Variants in DLG2 observed in about 807,000 individuals in gnomAD.
The protein encoded by DLG2 is disks large homolog 2.
A neutral mutation model predicts 132.5 loss-of-function variants in DLG2; 45 were observed. The ratio of observed to expected loss-of-function variants is 0.34; its 90% confidence interval spans 0.27 to 0.44. DLG2 has a LOEUF of 0.44. DLG2 is among the 20% of genes least tolerant of loss of function. The probability of loss-of-function intolerance (pLI) is 1.00; values close to 1 mark genes in which losing one functional copy is unlikely to be tolerated. For synonymous variants in DLG2, 424 were observed against 419.6 expected (o/e 1.01, Z -0.13); for missense variants, 1,045 against 1,196.9 (o/e 0.87, Z 1.87).
chr11:85,033,426 T>C (rs1349514872), intron 6 of DLG2, among the ~76,000 whole-genome samples: 4 of 147,252 alleles, frequency 2.7e-5, no homozygotes, highest in Admixed American at 1.4e-4. Flanking sequence ...AAGCATCTGG[T>C]AAGGATAAAA....
At chr11:84,486,438 G>T (rs369156446) in intron 7 of DLG2, among the ~76,000 whole-genome samples, 61 of 152,204 alleles carry the variant, frequency 4.0e-4, no homozygotes, top group African/African-American at 1.4e-3. Flanking sequence ...TAGGCCAAAT[G>T]AAGTTACTGA....
At chr11:83,775,721 C>CTTT (rs11388016) in intron 18 of DLG2, among the ~76,000 whole-genome samples, 2 of 143,674 alleles carry the variant, frequency 1.4e-5, no homozygotes, top group Non-Finnish European at 3.1e-5. Flanking sequence ...TGTCATTATT[C>CTTT]TTTTTTTTTT....
chr11:84,608,887 T>G (rs2154536658), intron 6 of DLG2, among the ~76,000 whole-genome samples: 1 of 152,334 alleles, frequency 6.6e-6, no homozygotes, highest in South Asian at 2.1e-4. Context: ...ATGAGGCACT[T>G]ACTATTATCT....
intron 7 of DLG2, among the ~76,000 whole-genome samples, chr11:84,355,984 T>C (rs2098609072): frequency 6.6e-6 from 1 of 152,120 alleles, no homozygotes; most frequent in African/African-American, 2.4e-5. Flanking sequence ...ATACTTCATG[T>C]GAAAATTTCA....
chr11:85,354,011 TA>T (rs546143696), intron 3 of DLG2, among the ~76,000 whole-genome samples: 4,689 of 140,508 alleles, frequency 0.033, 137 homozygotes, highest in African/African-American at 0.092. Flanking sequence ...AATTCCTTAA[TA>T]AAAAAAAAAA....
At chr11:85,314,107 C>G (rs904312508) in intron 3 of DLG2, among the ~76,000 whole-genome samples, 9 of 151,936 alleles carry the variant, frequency 5.9e-5, no homozygotes, top group African/African-American at 2.2e-4. Context: ...TATATTTATT[C>G]AAGGAACATT....
intron 3 of DLG2, among the ~76,000 whole-genome samples, chr11:85,292,216 C>G (rs996931232): frequency 6.6e-6 from 1 of 152,072 alleles, no homozygotes; most frequent in Non-Finnish European, 1.5e-5. Context: ...GAGTCCAAAA[C>G]TACTAGACAC....
chr11:85,039,861 TTGGTTGA>T (rs1349770420), intron 6 of DLG2, among the ~76,000 whole-genome samples: 3 of 151,896 alleles, frequency 2.0e-5, no homozygotes, highest in Non-Finnish European at 4.4e-5. Context: ...TCTTTAAATT[TTGGTTGA>T]ATGAATGAAT....
chr11:84,795,017 C>G (rs1030312529), intron 6 of DLG2, among the ~76,000 whole-genome samples: 2 of 152,208 alleles, frequency 1.3e-5, no homozygotes, highest in Non-Finnish European at 2.9e-5. Flanking sequence ...TACCATCAGG[C>G]CTGGGACAGC....
chr11:84,481,879 T>C (rs578110392), intron 7 of DLG2, among the ~76,000 whole-genome samples: 168 of 152,338 alleles, frequency 1.1e-3, no homozygotes, highest in Admixed American at 2.5e-3. Context: ...CATTGAATTG[T>C]TTTTACAAAA....
chr11:83,714,250 G>C (rs372775260), intron 18 of DLG2, among the ~76,000 whole-genome samples: 1 of 149,912 alleles, frequency 6.7e-6, no homozygotes. Flanking sequence ...AATTGAGGAA[G>C]AGGAGAAGAG....
intron 6 of DLG2, among the ~76,000 whole-genome samples, chr11:84,543,808 T>C (rs555164584): frequency 1.3e-5 from 2 of 152,314 alleles, no homozygotes; most frequent in South Asian, 4.1e-4. Flanking sequence ...GTGCTCCATT[T>C]GAATTTTTTT....
At chr11:85,299,666 A>T (rs1217329001) in intron 3 of DLG2, among the ~76,000 whole-genome samples, 1 of 152,188 alleles carries the variant, frequency 6.6e-6, no homozygotes, top group Non-Finnish European at 1.5e-5. Context: ...TGGCTGTCAA[A>T]TTTTATTGTG....
At chr11:84,634,840 C>T (rs1393479349) in intron 6 of DLG2, among the ~76,000 whole-genome samples, 1 of 152,144 alleles carries the variant, frequency 6.6e-6, no homozygotes, top group East Asian at 1.9e-4. Context: ...TCAGCAGCTC[C>T]CACTTTCCTC....
chr11:84,048,653 T>C (rs564484050), intron 11 of DLG2, among the ~76,000 whole-genome samples: 1 of 151,842 alleles, frequency 6.6e-6, no homozygotes, highest in South Asian at 2.1e-4. Flanking sequence ...TGAGGTCCCC[T>C]GATACAGTAA....
At chr11:85,060,603 A>G (rs1308193534) in intron 6 of DLG2, among the ~76,000 whole-genome samples, 1 of 151,610 alleles carries the variant, frequency 6.6e-6, no homozygotes, top group Non-Finnish European at 1.5e-5. Context: ...GGTTGTTTCT[A>G]CCTCATAGAT....
At chr11:85,160,332 A>T (rs964886672) in intron 4 of DLG2, among the ~76,000 whole-genome samples, 1 of 152,158 alleles carries the variant, frequency 6.6e-6, no homozygotes, top group African/African-American at 2.4e-5. Context: ...GGTGCTTGAG[A>T]TGTCAGGGGC....
At chr11:85,052,181 G>A (rs2062967786) in intron 6 of DLG2, among the ~76,000 whole-genome samples, 1 of 152,156 alleles carries the variant, frequency 6.6e-6, no homozygotes, top group African/African-American at 2.4e-5. Context: ...TAAAGGGCAA[G>A]GAGGTATAAT....
At chr11:84,513,161 TAAATA>T (rs1052532228) in intron 7 of DLG2, among the ~76,000 whole-genome samples, 2 of 151,590 alleles carry the variant, frequency 1.3e-5, no homozygotes, top group African/African-American at 4.8e-5. Flanking sequence ...AATAATAAAA[TAAATA>T]AATTAAAAGA....
Sources: allele counts gnomAD v4.1 joint callset (sites outside exome capture counted in the v4.1 genomes callset), GRCh38; gene constraint gnomAD v4.1.1; transcripts MANE v1.5; gene names NCBI Gene and HGNC (gene_info 2026-07-23, HGNC 2026-07-21).